The following TMEM117 variants were observed in gnomAD, a reference collection of about 807,000 sequenced individuals.
TMEM117 encodes transmembrane protein 117.
Under a neutral mutation model 52.4 loss-of-function variants are expected in TMEM117, and 27 were observed. That is an observed-to-expected ratio of 0.51 (90% CI 0.38 to 0.71). The LOEUF is 0.71. TMEM117 is among the 30% of genes least tolerant of loss of function. The pLI is 0.00. For synonymous variants in TMEM117, 215 were observed against 206.3 expected (o/e 1.04, Z -0.36); for missense variants, 556 against 630.5 (o/e 0.88, Z 1.26).
chr12:44,182,003 A>T (rs1228999247), intron 4 of TMEM117, among the ~76,000 whole-genome samples: 1 of 152,056 alleles, frequency 6.6e-6, no homozygotes, highest in Non-Finnish European at 1.5e-5. Flanking sequence ...ATGTTCTTCC[A>T]TTTGTTTGTA....
intron 6 of TMEM117, among the ~76,000 whole-genome samples, chr12:44,323,015 G>C (rs1446285131): frequency 6.6e-6 from 1 of 152,168 alleles, no homozygotes; most frequent in Non-Finnish European, 1.5e-5. Flanking sequence ...AAGAGGAAGA[G>C]GGAAGCAGAA....
chr12:44,179,591 G>A (rs1320972052), intron 4 of TMEM117, among the ~76,000 whole-genome samples: 2 of 152,334 alleles, frequency 1.3e-5, no homozygotes, highest in African/African-American at 4.8e-5. Flanking sequence ...TACCTGCTTT[G>A]TTCCAGCCTT....
chr12:44,242,915 G>A (rs185730707), intron 5 of TMEM117, among the ~76,000 whole-genome samples: 117 of 151,582 alleles, frequency 7.7e-4, no homozygotes, highest in Non-Finnish European at 1.4e-3. Context: ...GTGCAACCTC[G>A]TGAGCACGTG....
chr12:43,796,189 CAAT>C, the TMEM117 span, among the ~76,000 whole-genome samples: 1 of 152,062 alleles, frequency 6.6e-6, no homozygotes, highest in East Asian at 1.9e-4. Context: ...TGTTAAACAA[CAAT>C]AAGAATATAT....
At position 43,929,377 on chromosome 12, in the gene TMEM117, A is replaced by G. The variant is rs548069822; in HGVS notation, c.278-14833A>G. ...CATTTAGTGATTACCCTAAAGAGTA[A>G]AACACACATAATTGACATTAAAGCC... On this transcript the variant is annotated intron_variant, in intron 2 of 7. Transcript: ENST00000266534. 7.2e-5 allele frequency among the ~76,000 whole-genome samples: 11 copies of G among 152,300 alleles called. No individual in the cohort carries two copies. In the East Asian group the frequency reaches 1.9e-3, roughly 27 times the overall value.
chr12:43,999,627 G>A (rs1015652671), intron 3 of TMEM117, among the ~76,000 whole-genome samples: 1 of 151,994 alleles, frequency 6.6e-6, no homozygotes, highest in Non-Finnish European at 1.5e-5. Flanking sequence ...ACAGGCACAC[G>A]CCACCACAGC....
chr12:44,357,306 T>C (rs1388781826), intron 6 of TMEM117, among the ~76,000 whole-genome samples: 2 of 152,134 alleles, frequency 1.3e-5, no homozygotes, highest in Non-Finnish European at 2.9e-5. Context: ...TCTATCTTGA[T>C]GTCTGTGTCC....
At chr12:44,108,175 T>G (rs1389369259) in intron 3 of TMEM117, among the ~76,000 whole-genome samples, 2 of 152,174 alleles carry the variant, frequency 1.3e-5, no homozygotes, top group African/African-American at 4.8e-5. Flanking sequence ...CCTGTTCCAC[T>G]AATCACTTGT....
At chr12:44,319,799 T>A (rs1951107174) in intron 6 of TMEM117, among the ~76,000 whole-genome samples, 1 of 152,258 alleles carries the variant, frequency 6.6e-6, no homozygotes, top group Admixed American at 6.5e-5. Context: ...TTGGTTTTCA[T>A]AAAATTACCT....
At chr12:44,104,372 A>C (rs1006944787) in intron 3 of TMEM117, among the ~76,000 whole-genome samples, 1 of 151,842 alleles carries the variant, frequency 6.6e-6, no homozygotes, top group Non-Finnish European at 1.5e-5. Context: ...CATCAATCAA[A>C]ATTATATCAA....
chr12:44,254,901 A>C (rs961808160), intron 5 of TMEM117, among the ~76,000 whole-genome samples: 1 of 151,696 alleles, frequency 6.6e-6, no homozygotes, highest in African/African-American at 2.4e-5. Context: ...GAGTGAGAAC[A>C]TGCGGTGTTT....
At chr12:44,212,274 G>A (rs1328349536) in intron 5 of TMEM117, among the ~76,000 whole-genome samples, 1 of 152,120 alleles carries the variant, frequency 6.6e-6, no homozygotes, top group Non-Finnish European at 1.5e-5. Context: ...TCTTTGTCTA[G>A]CGTCTATCCA....
chr12:44,291,978 T>A (rs925867047), intron 5 of TMEM117, among the ~76,000 whole-genome samples: 5 of 152,076 alleles, frequency 3.3e-5, no homozygotes, highest in Admixed American at 1.3e-4. Flanking sequence ...CTGGCTTTAG[T>A]ATCAGAATAA....
intron 2 of TMEM117, among the ~76,000 whole-genome samples, chr12:43,863,382 T>A (rs987244333): frequency 6.6e-6 from 1 of 152,232 alleles, no homozygotes; most frequent in African/African-American, 2.4e-5. Context: ...TATTTCATTT[T>A]AAGAATAAGC....
At chr12:44,329,338 A>G (rs758053167) in intron 6 of TMEM117, among the ~76,000 whole-genome samples, 2 of 152,148 alleles carry the variant, frequency 1.3e-5, no homozygotes, top group African/African-American at 4.8e-5. Flanking sequence ...CTGGAGCTGT[A>G]TTAAAAGAAA....
intron 7 of TMEM117, among the ~76,000 whole-genome samples, chr12:44,384,635 A>G (rs1319008150): frequency 6.6e-6 from 1 of 152,176 alleles, no homozygotes; most frequent in Non-Finnish European, 1.5e-5. Context: ...CCTCTTGGAT[A>G]ACTGGTCCCA....
chr12:44,170,092 C>T (rs987302969), intron 4 of TMEM117, among the ~76,000 whole-genome samples: 19 of 152,060 alleles, frequency 1.2e-4, no homozygotes, highest in African/African-American at 4.6e-4. Context: ...GGCACATATA[C>T]ACCATAGAAT....
At chr12:44,153,486 C>T (rs928924207) in intron 4 of TMEM117, among the ~76,000 whole-genome samples, 1 of 151,674 alleles carries the variant, frequency 6.6e-6, no homozygotes, top group Non-Finnish European at 1.5e-5. Context: ...TTTTTAGGCA[C>T]GAAATGATAT....
chr12:44,202,003 A>T (rs1949502214), intron 4 of TMEM117, among the ~76,000 whole-genome samples: 1 of 151,812 alleles, frequency 6.6e-6, no homozygotes, highest in Admixed American at 6.6e-5. Context: ...TATATATATC[A>T]TCTTTATATA....
Sources: allele counts gnomAD v4.1 joint callset (sites outside exome capture counted in the v4.1 genomes callset), GRCh38; gene constraint gnomAD v4.1.1; transcripts MANE v1.5; gene names NCBI Gene and HGNC (gene_info 2026-07-23, HGNC 2026-07-21).